Variants in PPM1L observed in about 807,000 individuals in gnomAD.
The protein encoded by PPM1L is protein phosphatase 1L.
PPM1L carries 13 observed loss-of-function variants against 31.4 expected under a neutral mutation model. The ratio of observed to expected loss-of-function variants is 0.41; its 90% CI spans 0.27 to 0.66. PPM1L has a LOEUF of 0.66. PPM1L is among the 30% of genes least tolerant of loss of function. The probability of loss-of-function intolerance (pLI) is 0.29; values close to 1 mark genes in which losing one functional copy is unlikely to be tolerated. For synonymous variants in PPM1L, 184 were observed against 175.4 expected, an observed-to-expected ratio of 1.05 and a Z score of -0.39; for missense variants, 326 against 453.7, an observed-to-expected ratio of 0.72 and a Z score of 2.56.
chr3:160,835,990 G>A (rs949429829), intron 1 of PPM1L, among the ~76,000 whole-genome samples: 1 of 147,458 alleles, frequency 6.8e-6, no homozygotes, highest in Non-Finnish European at 1.5e-5. Flanking sequence ...ATCCTTCTCT[G>A]TTCTGGCCAG....
At chr3:160,919,328 A>G (rs1038643658) in intron 1 of PPM1L, among the ~76,000 whole-genome samples, 2 of 152,174 alleles carry the variant, frequency 1.3e-5, no homozygotes, top group African/African-American at 4.8e-5. Flanking sequence ...ATCTAGGATC[A>G]TAGTTGGGCC....
intron 1 of PPM1L, among the ~76,000 whole-genome samples, chr3:160,897,753 A>G (rs933469222): frequency 6.6e-6 from 1 of 152,250 alleles, no homozygotes; most frequent in African/African-American, 2.4e-5. Context: ...TGCCAGCTGG[A>G]TGCAGGGAAA....
At chr3:160,900,712 A>C (rs1713510393) in intron 1 of PPM1L, among the ~76,000 whole-genome samples, 1 of 152,050 alleles carries the variant, frequency 6.6e-6, no homozygotes, top group African/African-American at 2.4e-5. Context: ...TTTGAGTTTT[A>C]CTGAGTTCAT....
chr3:160,991,822 A>G (rs926661255), intron 2 of PPM1L, among the ~76,000 whole-genome samples: 3 of 152,206 alleles, frequency 2.0e-5, no homozygotes, highest in Non-Finnish European at 4.4e-5. Flanking sequence ...TGCATTCTGT[A>G]TACATATGAT....
chr3:161,031,991 G>A (rs1237320648), intron 2 of PPM1L, among the ~76,000 whole-genome samples: 1 of 152,186 alleles, frequency 6.6e-6, no homozygotes, highest in Non-Finnish European at 1.5e-5. Flanking sequence ...AAAGAGCAAA[G>A]TCTAACAGGG....
In PPM1L at chr3:160,779,119, G is replaced by C. The variant is rs149620639; in HGVS notation, c.399+22412G>C. 2.1e-5 allele frequency among the ~76,000 whole-genome samples: 3 copies of C among 142,572 alleles called. No individual in the cohort carries two copies. The East Asian group carries it at 6.2e-4, about 29-fold the overall frequency. The allele number at this position is 142,572 out of a possible 152,430, so 93.5% of individuals were successfully genotyped here. On this transcript the variant is annotated intron_variant, in intron 1 of 3. Coordinates refer to ENST00000498165, the MANE Select transcript of PPM1L (RefSeq NM_139245.4). ...TACTTTCTGCTGTAAAAAAAAAACTGTGTAAACGCTGAAAAAAGCAAATGT... is the reference window on the plus strand; with the variant it reads ...TACTTTCTGCTGTAAAAAAAAAACTCTGTAAACGCTGAAAAAAGCAAATGT...
At chr3:160,835,036 A>ACTTCTT (rs1491239346) in intron 1 of PPM1L, among the ~76,000 whole-genome samples, 57 of 72,016 alleles carry the variant, frequency 7.9e-4, no homozygotes, top group East Asian at 7.2e-3. Context: ...TATTACTACT[A>ACTTCTT]CTACTTCTTC....
intron 1 of PPM1L, among the ~76,000 whole-genome samples, chr3:160,836,374 G>GTGAATA (rs1411997576): frequency 1.3e-5 from 2 of 152,202 alleles, no homozygotes; most frequent in Non-Finnish European, 2.9e-5. Flanking sequence ...GGTTAGCAGT[G>GTGAATA]TGAATAGTGG....
chr3:160,822,752 A>C (rs1713238525), intron 1 of PPM1L, among the ~76,000 whole-genome samples: 1 of 152,154 alleles, frequency 6.6e-6, no homozygotes, highest in African/African-American at 2.4e-5. Context: ...AGAATGTTGC[A>C]AATGGCTGGG....
chr3:160,997,433 T>C (rs1717358677), intron 2 of PPM1L, among the ~76,000 whole-genome samples: 2 of 152,178 alleles, frequency 1.3e-5, no homozygotes, highest in Admixed American at 1.3e-4. Context: ...TTTTGACCTT[T>C]AGTAAAAGGG....
chr3:160,809,498 A>G (rs1406905211), intron 1 of PPM1L, among the ~76,000 whole-genome samples: 1 of 152,106 alleles, frequency 6.6e-6, no homozygotes, highest in Non-Finnish European at 1.5e-5. Context: ...TTCAGAGTAT[A>G]TTTCCAGACA....
rs1720177531 is a variant in PPM1L, at chr3:161,078,427, A to G, written c.*9270A>G. 6.6e-6 allele frequency: 1 copy of G among 152,256 alleles called. No individual in the cohort carries two copies. Among genetic ancestry groups the G allele is most frequent in the Non-Finnish European group, 1.5e-5 (1 of 68,044 alleles). The allele number at this position is 152,256 out of a possible 1,614,324, so 9.4% of individuals were successfully genotyped here. On this transcript the variant is annotated 3_prime_UTR_variant, in exon 4 of 4. Transcript: ENST00000498165. ...TTGTTTATAAAGAGATACAGGATCT[A>G]TAATTTATTGGCAATACTTTATTTT...
At chr3:160,821,654 G>A (rs957099434) in intron 1 of PPM1L, among the ~76,000 whole-genome samples, 7 of 152,032 alleles carry the variant, frequency 4.6e-5, no homozygotes, top group Admixed American at 3.9e-4. Flanking sequence ...TGCAGTGGAC[G>A]TAGGATTCAG....
chr3:160,907,854 G>C (rs1357710301), intron 1 of PPM1L, among the ~76,000 whole-genome samples: 1 of 152,112 alleles, frequency 6.6e-6, no homozygotes, highest in Non-Finnish European at 1.5e-5. Flanking sequence ...GTCTGTCAGG[G>C]AAGAATCCAA....
chr3:161,038,916 CA>C (rs1284484184), intron 2 of PPM1L, among the ~76,000 whole-genome samples: 1 of 152,144 alleles, frequency 6.6e-6, no homozygotes, highest in Non-Finnish European at 1.5e-5. Flanking sequence ...GCTGATAAAA[CA>C]GGTTGCAGTA....
intron 1 of PPM1L, among the ~76,000 whole-genome samples, chr3:160,777,342 A>AT (rs1315127465): frequency 6.6e-6 from 1 of 152,112 alleles, no homozygotes; most frequent in Non-Finnish European, 1.5e-5. Flanking sequence ...TAAGTACATA[A>AT]TTTTTGATAT....
chr3:160,912,625 G>C (rs1714014882), intron 1 of PPM1L, among the ~76,000 whole-genome samples: 1 of 152,184 alleles, frequency 6.6e-6, no homozygotes, highest in African/African-American at 2.4e-5. Context: ...CCTTCTATTA[G>C]AGTGTGAATA....
At chr3:161,068,684 G>A (rs1163543951) in intron 3 of PPM1L, 127 bp from the exon 4 acceptor site, 1 of 706,858 alleles carries the variant, frequency 1.4e-6, no homozygotes, top group Admixed American at 2.9e-5. Flanking sequence ...AGGAGTGATG[G>A]GGTTAAGGGG....
chr3:161,044,387 T>TA (rs58141800), intron 2 of PPM1L, among the ~76,000 whole-genome samples: 5 of 146,552 alleles, frequency 3.4e-5, no homozygotes, highest in South Asian at 4.4e-4. Context: ...TTTATTTATT[T>TA]TTTAGTGGGA....
Sources: gnomAD v4.1 joint callset for allele counts (sites outside exome capture counted in the v4.1 genomes callset) on GRCh38, gnomAD v4.1.1 for gene constraint, MANE v1.5 for transcripts, NCBI Gene and HGNC (gene_info 2026-07-23, HGNC 2026-07-21) for gene names.